SPAG17: variants seen among roughly 807,000 people sequenced by gnomAD.
The protein encoded by SPAG17 is sperm associated antigen 17.
A neutral mutation model predicts 273.6 loss-of-function variants in SPAG17; 169 were observed. The observed-to-expected ratio is 0.62, with a 90% CI of 0.55 to 0.70. The LOEUF (loss-of-function observed/expected upper bound fraction) is 0.70, where lower values mean the gene tolerates loss of function less well. Ranked by LOEUF, SPAG17 falls within the 30% of genes least tolerant of loss-of-function variation. The pLI is 0.00. For missense variants in SPAG17, 2,557 were observed against 2,627.8 expected (o/e 0.97, Z 0.59); for synonymous variants, 825 against 873.2 (o/e 0.94, Z 0.97).
rs757092581 is a variant in SPAG17, at chr1:118,008,161, A to T, written c.4470T>A (p.Cys1490Ter). Residue 1490 changes from cysteine (C) to a stop codon, truncating the protein, a stop_gained, in exon 31 of 49, where the codon TGT (cysteine) becomes TGA (stop). Coordinates refer to ENST00000336338, the MANE Select transcript of SPAG17 (RefSeq NM_206996.4). LOFTEE classifies it high-confidence loss of function. ...CATAGCGTGAGCTTTCTACCCGCAT[A>T]CACTTCACCTGCCTGGTGACAGTCC... Reference protein sequence around the residue: ...GPRTVTRQVKCMRVESSRYAT... With the variant: ...GPRTVTRQVK 6.2e-7 allele frequency: 1 copy of T among 1,613,996 alleles called. No individual in the cohort carries two copies. Among genetic ancestry groups the T allele is most frequent in the Non-Finnish European group, 8.5e-7 (1 of 1,179,956 alleles).
chr1:118,052,782 A>G (rs1373811335), intron 20 of SPAG17, among the ~76,000 whole-genome samples: 1 of 152,184 alleles, frequency 6.6e-6, no homozygotes, highest in East Asian at 1.9e-4. Flanking sequence ...AATTTCATTC[A>G]CCATGGATAT....
chr1:118,008,191 A>C lies in SPAG17; in HGVS notation c.4440T>G (p.Gly1480=). 8.7e-6 allele frequency: 14 copies of C among 1,613,688 alleles called. No homozygotes were observed. The highest frequency in any genetic ancestry group is 1.2e-5 in the Non-Finnish European group (14 of 1,179,886). The change falls in exon 31 of 49, where the codon GGT becomes GGG. Residue 1480 remains glycine (G), a synonymous_variant. Transcript: ENST00000336338. ...ILPDDQETTE[G]PRTVTRQVKC... is the part of the protein sequence containing the mutation. ...TCACCTGCCTGGTGACAGTCCGAGG[A>C]CCCTCGGCTACAAGCAAATGCAAGG...
chr1:118,124,668 G>A (rs578035340), intron 3 of SPAG17, among the ~76,000 whole-genome samples: 2 of 152,304 alleles, frequency 1.3e-5, no homozygotes, highest in South Asian at 2.1e-4. Flanking sequence ...GACAAGGACC[G>A]TTCCAGGCAC....
At chr1:118,119,035 C>T (rs1657262225) in intron 3 of SPAG17, among the ~76,000 whole-genome samples, 1 of 152,176 alleles carries the variant, frequency 6.6e-6, no homozygotes, top group Non-Finnish European at 1.5e-5. Flanking sequence ...CTAGAACCTC[C>T]CTACATTAGT....
chr1:118,008,300 C>T (rs368542535), intron 30 of SPAG17, 102 bp from the exon 31 acceptor site: 16 of 1,366,296 alleles, frequency 1.2e-5, no homozygotes, highest in Non-Finnish European at 1.5e-5. Context: ...GTCTGGATTC[C>T]CCATGGAAAA....
chr1:117,958,029 T>C (rs976834325), intron 48 of SPAG17, among the ~76,000 whole-genome samples: 9 of 152,252 alleles, frequency 5.9e-5, no homozygotes, highest in African/African-American at 2.2e-4. Context: ...GGCTTGATAT[T>C]CTTCTCATCT....
At chr1:118,170,456 A>G (rs1173681607) in intron 1 of SPAG17, among the ~76,000 whole-genome samples, 4 of 152,160 alleles carry the variant, frequency 2.6e-5, no homozygotes, top group African/African-American at 9.7e-5. Context: ...AGCCTCAAAG[A>G]TTGGATGGAT....
Position 117,983,834 on chromosome 1 carries a change from T to G in SPAG17, c.5849A>C (p.Gln1950Pro), listed in dbSNP as rs548988281. ...KNEDANETAV[Q>P]DTSDLNLDFK... Reference sequence around the variant, plus strand: ...ACCTAGATTAAGATCAGATGTATCTTGAACAGCTGTTTCGTTTGCATCTTC... The same window carrying G: ...ACCTAGATTAAGATCAGATGTATCTGGAACAGCTGTTTCGTTTGCATCTTC... Residue 1950 changes from glutamine to proline, a missense_variant, in exon 42 of 49, where the codon CAA (glutamine) becomes CCA (proline). By Grantham distance (76) the Gln-to-Pro change is moderately conservative. Coordinates refer to ENST00000336338, the MANE Select transcript of SPAG17 (RefSeq NM_206996.4). The G allele has an allele frequency of 2.5e-6, 4 of 1,612,152 alleles. No homozygotes were observed. The highest frequency in any genetic ancestry group is 3.3e-5 in the Admixed American group (2 of 59,938).
At chr1:118,067,660 G>A (rs1195502582) in intron 17 of SPAG17, among the ~76,000 whole-genome samples, 9 of 152,194 alleles carry the variant, frequency 5.9e-5, no homozygotes, top group Middle Eastern at 3.4e-3. Flanking sequence ...CAGCCCAAGC[G>A]GACTAAATCA....
chr1:118,144,617 G>C (rs1658869342), intron 3 of SPAG17, among the ~76,000 whole-genome samples: 2 of 152,242 alleles, frequency 1.3e-5, no homozygotes, highest in South Asian at 4.2e-4. Context: ...GTTCCATCAG[G>C]GGTTATTTCT....
intron 18 of SPAG17, among the ~76,000 whole-genome samples, chr1:118,063,316 G>T (rs1397770748): frequency 6.6e-6 from 1 of 152,086 alleles, no homozygotes; most frequent in African/African-American, 2.4e-5. Flanking sequence ...GAGACATCAC[G>T]CTACCTGACT....
intron 48 of SPAG17, chr1:117,960,055 T>G (rs1173793675): frequency 6.6e-6 from 1 of 151,898 alleles, no homozygotes; most frequent in East Asian, 1.9e-4. Flanking sequence ...TGTTTCTAAT[T>G]AAAAAGTAGC....
intron 28 of SPAG17, among the ~76,000 whole-genome samples, chr1:118,020,411 G>C (rs545304343): frequency 6.6e-6 from 1 of 151,590 alleles, no homozygotes; most frequent in African/African-American, 2.4e-5. Flanking sequence ...CTCCAGCCTG[G>C]GCAACAGAGT....
chr1:117,967,188 A>G lies in SPAG17; in HGVS notation c.6388-435T>C, dbSNP rs1653962374. On this transcript the variant is annotated intron_variant, in intron 46 of 48. Transcript: ENST00000336338. ...ATATAAATCAGGAGGCTGAGGCAGG[A>G]GAATTGCTTGAACGCAGGAGAATTG... Among the ~76,000 whole-genome samples, 5 of 151,364 alleles carry G rather than the reference A, an allele frequency of 3.3e-5. No individual in the cohort carries two copies. The South Asian group carries it at 1.0e-3, about 32-fold the overall frequency.
At chr1:117,957,659 T>A (rs1171467497) in intron 48 of SPAG17, among the ~76,000 whole-genome samples, 1 of 152,260 alleles carries the variant, frequency 6.6e-6, no homozygotes. Flanking sequence ...AACACAAATT[T>A]GTAAACTTTA....
chr1:117,987,063 A>G (rs546579242), intron 40 of SPAG17, among the ~76,000 whole-genome samples: 8 of 152,256 alleles, frequency 5.3e-5, no homozygotes, highest in African/African-American at 1.7e-4. Context: ...TTTTTGCCCT[A>G]TCATATTTCT....
intron 1 of SPAG17, among the ~76,000 whole-genome samples, chr1:118,167,989 T>C (rs1228976828): frequency 1.3e-5 from 2 of 152,196 alleles, no homozygotes; most frequent in Non-Finnish European, 2.9e-5. Flanking sequence ...TCCTCCTCCT[T>C]TGCCTTCTCT....
At chr1:117,964,193 C>A in intron 47 of SPAG17, 7 of 285,910 alleles carry the variant, frequency 2.4e-5, no homozygotes, top group East Asian at 5.8e-5. Context: ...AAGGAGCCAT[C>A]AGTATGGTCA....
intron 35 of SPAG17, among the ~76,000 whole-genome samples, chr1:117,992,863 T>C (rs1657265014): frequency 6.6e-6 from 1 of 152,198 alleles, no homozygotes; most frequent in South Asian, 2.1e-4. Context: ...GTTACTAAGA[T>C]ACTGGATATT....
Sources: gnomAD v4.1 joint callset for allele counts (sites outside exome capture counted in the v4.1 genomes callset) on GRCh38, gnomAD v4.1.1 for gene constraint, MANE v1.5 for transcripts, NCBI Gene and HGNC (gene_info 2026-07-23, HGNC 2026-07-21) for gene names.